The following GNB5 variants were observed in gnomAD, a reference collection of about 807,000 sequenced individuals.
GNB5 encodes the protein G protein subunit beta 5, also known as guanine nucleotide-binding protein subunit beta-5.
A neutral mutation model predicts 55.3 loss-of-function variants in GNB5; 37 were observed. That is an observed-to-expected ratio of 0.67 (90% CI 0.51 to 0.88). The LOEUF (loss-of-function observed/expected upper bound fraction) is 0.88. GNB5 is among the 40% of genes least tolerant of loss of function. GNB5 has a pLI of 0.00. For synonymous variants in GNB5, 219 were observed against 198.5 expected, an observed-to-expected ratio of 1.10 and a Z score of -0.87; for missense variants, 476 against 515.3, an observed-to-expected ratio of 0.92 and a Z score of 0.74.
At chr15:52,156,866 C>T (rs902374649) in intron 3 of GNB5, among the ~76,000 whole-genome samples, 4 of 152,050 alleles carry the variant, frequency 2.6e-5, no homozygotes, top group Non-Finnish European at 5.9e-5. Context: ...ACAGCATATT[C>T]GTCTTTTACA....
chr15:52,120,369 C>G lies in GNB5; in HGVS notation c.*2388G>C, dbSNP rs1006406961. The stretch of plus-strand genomic sequence containing the variant: ...CTCATCAGCAAATCCCGACAGCACC[C>G]ACTGCGAGAGCGCATGCTCACAGCG... On this transcript the variant is annotated 3_prime_UTR_variant, in exon 13 of 13. Transcript: ENST00000261837. The G allele has an allele frequency of 3.3e-5, 5 of 152,304 alleles. No individual in the cohort carries two copies. Among genetic ancestry groups the G allele is most frequent in the Non-Finnish European group, 7.3e-5 (5 of 68,068 alleles). 9.4% of individuals were successfully genotyped at this position (152,304 alleles called of 1,614,324 possible).
chr15:52,162,624 A>C (rs1042484562), intron 3 of GNB5: 1 of 152,200 alleles, frequency 6.6e-6, no homozygotes, highest in Non-Finnish European at 1.5e-5. Context: ...CAGTCTTTTC[A>C]TGGCCACCTT....
At position 52,147,419 on chromosome 15, in the gene GNB5, T is replaced by A. The variant is rs754276744; in HGVS notation, c.494+40A>T. On this transcript the variant is annotated intron_variant, in intron 6 of 12. Transcript: ENST00000261837. ...TTGCCAAGAGAACAGTATTCTATGG[T>A]TAACACAAATTCTGAAAAGCTGCTG... 10 of 1,118,016 alleles carry A rather than the reference T, an allele frequency of 8.9e-6. No individual in the cohort carries two copies. The Admixed American group carries it at 1.7e-4, about 19-fold the overall frequency. The allele number at this position is 1,118,016 out of a possible 1,614,324, so 69.3% of individuals were successfully genotyped here. A position where few individuals can be genotyped will look rare whatever the true frequency, so the allele number is the denominator to read the frequency against.
chr15:52,157,336 T>G (rs1165724574), intron 3 of GNB5, among the ~76,000 whole-genome samples: 1 of 150,046 alleles, frequency 6.7e-6, no homozygotes, highest in Non-Finnish European at 1.5e-5. Flanking sequence ...AACCTCTACC[T>G]CCCGGGTTCA....
At chr15:52,172,259 G>C (rs377337780) in intron 3 of GNB5, among the ~76,000 whole-genome samples, 2 of 151,668 alleles carry the variant, frequency 1.3e-5, no homozygotes, top group Admixed American at 6.6e-5. Flanking sequence ...TCAGCCTCCC[G>C]AGTAGCTGGG....
chr15:52,117,102 A>ATATATATATATATATTTTTTTTTTTT lies in GNB5; in HGVS notation c.*5654_*5655insAAAAAAAAAAAATATATATATATATA. 3.4e-5 allele frequency: 3 copies of ATATATATATATATATTTTTTTTTTTT among 87,102 alleles called. 1 individual carries two copies. Among genetic ancestry groups the ATATATATATATATATTTTTTTTTTTT allele is most frequent in the African/African-American group, 1.8e-4 (3 of 16,420 alleles). 5.4% of individuals were successfully genotyped at this position (87,102 alleles called of 1,614,324 possible). A position where few individuals can be genotyped will look rare whatever the true frequency, so the allele number is the denominator to read the frequency against. On this transcript the variant is annotated 3_prime_UTR_variant, in exon 13 of 13. Coordinates refer to ENST00000261837, the MANE Select transcript of GNB5 (RefSeq NM_016194.4). Reference sequence around the variant, plus strand: ...CCACGCCCAGCTAATATATATATATATTTTTTTTTAGTACAGACAGGGTTT... The same window carrying ATATATATATATATATTTTTTTTTTTT: ...CCACGCCCAGCTAATATATATATATATATATATATATATATTTTTTTTTTTTTTTTTTTTTAGTACAGACAGGGTTT...
At chr15:52,189,813 C>G (rs2034893999) in intron 1 of GNB5, among the ~76,000 whole-genome samples, 1 of 152,064 alleles carries the variant, frequency 6.6e-6, no homozygotes, top group South Asian at 2.1e-4. Flanking sequence ...AAGCCAGACA[C>G]AAAAGGCCAC....
At chr15:52,165,838 T>A (rs995776157) in intron 3 of GNB5, among the ~76,000 whole-genome samples, 1 of 152,116 alleles carries the variant, frequency 6.6e-6, no homozygotes, top group Non-Finnish European at 1.5e-5. Flanking sequence ...AATTCACACA[T>A]AACAATATTA....
Position 52,122,708 on chromosome 15 carries a change from T to C in GNB5, c.*49A>G. On this transcript the variant is annotated 3_prime_UTR_variant, in exon 13 of 13. Coordinates refer to ENST00000261837, the MANE Select transcript of GNB5 (RefSeq NM_016194.4). ...TCTAGAAGTAATATCTATTTACATG[T>C]GAAGATTTCAAATTCTCAGGTATAC... 6.9e-7 allele frequency: 1 copy of C among 1,442,084 alleles called. No individual in the cohort carries two copies. Among genetic ancestry groups the C allele is most frequent in the South Asian group, 1.1e-5 (1 of 87,694 alleles). 89.3% of individuals were successfully genotyped at this position (1,442,084 alleles called of 1,614,324 possible).
intron 7 of GNB5, chr15:52,138,478 C>A (rs936134145): frequency 6.6e-6 from 1 of 152,322 alleles, no homozygotes; most frequent in African/African-American, 2.4e-5. Flanking sequence ...GGTGTTGCAC[C>A]CACTGGCTGT....
intron 3 of GNB5, among the ~76,000 whole-genome samples, chr15:52,166,193 A>C (rs2034447129): frequency 6.6e-6 from 1 of 152,180 alleles, no homozygotes; most frequent in African/African-American, 2.4e-5. Flanking sequence ...TTCATAAAGC[A>C]AGTTCTTACA....
intron 4 of GNB5, among the ~76,000 whole-genome samples, chr15:52,151,036 G>A (rs3794547): frequency 0.53 from 80,397 of 152,160 alleles, 24,497 homozygotes; most frequent in Non-Finnish European, 0.68. Flanking sequence ...GAACATTTCT[G>A]TGTTAATGCC....
chr15:52,173,196 T>C (rs1281013044), intron 3 of GNB5, among the ~76,000 whole-genome samples: 1 of 151,404 alleles, frequency 6.6e-6, no homozygotes, highest in Non-Finnish European at 1.5e-5. Context: ...TTTTAGAGAG[T>C]GATGAAGTGA....
Position 52,147,407 on chromosome 15 carries a change from A to T in GNB5, c.494+52T>A. The T allele has an allele frequency of 7.1e-6, 7 of 985,808 alleles. No individual in the cohort carries two copies. The South Asian group carries it at 8.9e-5, about 13-fold the overall frequency. 61.1% of individuals were successfully genotyped at this position (985,808 alleles called of 1,614,324 possible). ...GTTTGTTTGTTTTTGCCAAGAGAAC[A>T]GTATTCTATGGTTAACACAAATTCT... On this transcript the variant is annotated intron_variant, in intron 6 of 12. Transcript: ENST00000261837.
chr15:52,189,552 C>T (rs2034890799), intron 1 of GNB5, among the ~76,000 whole-genome samples: 1 of 152,126 alleles, frequency 6.6e-6, no homozygotes, highest in Non-Finnish European at 1.5e-5. Context: ...TGAAATCCAG[C>T]CTGGGCAATG....
intron 5 of GNB5, chr15:52,149,483 C>T (rs1477646918): frequency 2.0e-5 from 9 of 451,490 alleles, no homozygotes; most frequent in Non-Finnish European, 3.6e-5. Context: ...TCTTCCCCAC[C>T]CTCCACGTGT....
At chr15:52,129,353 G>A (rs1406014903) in intron 9 of GNB5, among the ~76,000 whole-genome samples, 2 of 152,128 alleles carry the variant, frequency 1.3e-5, no homozygotes, top group South Asian at 2.1e-4. Flanking sequence ...TCCTACCAGC[G>A]GGAGGTGAGA....
intron 3 of GNB5, among the ~76,000 whole-genome samples, chr15:52,169,455 C>G (rs1229127134): frequency 6.9e-6 from 1 of 143,896 alleles, no homozygotes; most frequent in African/African-American, 2.6e-5. Context: ...GGAGAAGAGC[C>G]TGAACCCAGG....
In GNB5 at chr15:52,124,499, A is replaced by G; in HGVS notation, c.1150T>C (p.Ser384Pro). The change falls in exon 12 of 13, where the codon TCT becomes CCT. Residue 384 changes from serine to proline, a missense_variant. Coordinates refer to ENST00000261837, the MANE Select transcript of GNB5 (RefSeq NM_016194.4). ...CTGAGGGTATGATCCCATGATCCAG[A>G]GCAGAAAGCAGTCCCATCGGGGGAA... ...RVSPDGTAFCSGSWDHTLRVW... is the reference protein window; with the variant it reads ...RVSPDGTAFCPGSWDHTLRVW... 1 of 1,614,036 alleles carries G rather than the reference A, an allele frequency of 6.2e-7. No individual in the cohort carries two copies.
Sources: gnomAD v4.1 joint callset for allele counts (sites outside exome capture counted in the v4.1 genomes callset) on GRCh38, gnomAD v4.1.1 for gene constraint, MANE v1.5 for transcripts, NCBI Gene and HGNC (gene_info 2026-07-23, HGNC 2026-07-21) for gene names.